The following AUTS2 variants were observed in gnomAD, a reference collection of about 807,000 sequenced individuals.
AUTS2 encodes activator of transcription and developmental regulator AUTS2, also known as autism susceptibility gene 2 protein.
In AUTS2, 17 loss-of-function variants were observed where a neutral mutation model predicts 112.4. The ratio of observed to expected loss-of-function variants is 0.15; its 90% CI spans 0.10 to 0.23. The LOEUF (loss-of-function observed/expected upper bound fraction) is 0.23, where lower values mean the gene tolerates loss of function less well. Ranked by LOEUF, AUTS2 falls within the 10% of genes least tolerant of loss-of-function variation. The pLI is 1.00. For synonymous variants in AUTS2, 751 were observed against 702.7 expected (o/e 1.07, Z -1.09); for missense variants, 1,510 against 1,701.6 (o/e 0.89, Z 1.98).
chr7:70,605,172 T>C (rs1585364883), intron 5 of AUTS2, among the ~76,000 whole-genome samples: 1 of 152,242 alleles, frequency 6.6e-6, no homozygotes, highest in African/African-American at 2.4e-5. Context: ...GCTAAACTTA[T>C]ACACACTGAC....
Position 70,382,839 on chromosome 7 carries a change from C to T in AUTS2, c.661-52913C>T, listed in dbSNP as rs560111441. On this transcript the variant is annotated intron_variant, in intron 4 of 18. Transcript: ENST00000342771. ...CTCTTCCTTTTTTATTAAAACAACA[C>T]GATGGATTTTCATAAAATGACACAT... Among the ~76,000 whole-genome samples the T allele has an allele frequency of 5.9e-5, 9 of 152,046 alleles. No individual in the cohort carries two copies. The South Asian group carries it at 8.4e-4, about 14-fold the overall frequency.
chr7:69,811,477 G>A (rs953553974), intron 1 of AUTS2, among the ~76,000 whole-genome samples: 32 of 151,774 alleles, frequency 2.1e-4, no homozygotes, highest in Admixed American at 7.9e-4. Context: ...GAGCCTCTAC[G>A]GACTAGATCC....
At chr7:69,847,107 G>C (rs745652740) in intron 1 of AUTS2, among the ~76,000 whole-genome samples, 11 of 152,096 alleles carry the variant, frequency 7.2e-5, no homozygotes, top group Non-Finnish European at 1.0e-4. Flanking sequence ...CTACCCCCCA[G>C]TACATGCATA....
At chr7:69,820,717 G>A (rs938877880) in intron 1 of AUTS2, among the ~76,000 whole-genome samples, 11 of 152,174 alleles carry the variant, frequency 7.2e-5, no homozygotes, top group African/African-American at 2.4e-4. Context: ...ATTGAGCCAG[G>A]TTTTGAGGAC....
intron 1 of AUTS2, among the ~76,000 whole-genome samples, chr7:69,613,823 T>C (rs1272150099): frequency 6.6e-6 from 1 of 152,232 alleles, no homozygotes; most frequent in Non-Finnish European, 1.5e-5. Flanking sequence ...CTCTATTCTT[T>C]CTGGTAAAAG....
intron 1 of AUTS2, among the ~76,000 whole-genome samples, chr7:69,735,382 C>T (rs1467275822): frequency 1.3e-5 from 2 of 152,140 alleles, no homozygotes; most frequent in Non-Finnish European, 2.9e-5. Context: ...GGTGGCCCTG[C>T]AGAGCAGACC....
intron 1 of AUTS2, among the ~76,000 whole-genome samples, chr7:69,858,746 G>T (rs995821728): frequency 6.6e-6 from 1 of 152,132 alleles, no homozygotes; most frequent in African/African-American, 2.4e-5. Context: ...AACAACTGGG[G>T]GTCAGCCCTG....
chr7:70,557,611 C>T (rs1260589788), intron 5 of AUTS2, among the ~76,000 whole-genome samples: 2 of 152,300 alleles, frequency 1.3e-5, no homozygotes, highest in East Asian at 3.9e-4. Flanking sequence ...AGCCCCAGAG[C>T]CCATTACCAT....
chr7:69,639,788 G>T (rs1794720157), intron 1 of AUTS2, among the ~76,000 whole-genome samples: 1 of 152,186 alleles, frequency 6.6e-6, no homozygotes, highest in African/African-American at 2.4e-5. Flanking sequence ...TCTGATGATA[G>T]GACTCTTTTA....
chr7:70,455,851 G>T (rs1796718233), intron 5 of AUTS2, among the ~76,000 whole-genome samples: 1 of 152,102 alleles, frequency 6.6e-6, no homozygotes, highest in South Asian at 2.1e-4. Flanking sequence ...AGCAACCCTG[G>T]GACTACTGAT....
chr7:70,569,430 C>T (rs983629590), intron 5 of AUTS2, among the ~76,000 whole-genome samples: 1 of 152,182 alleles, frequency 6.6e-6, no homozygotes, highest in Non-Finnish European at 1.5e-5. Context: ...CTGATCTGGC[C>T]GCACTTGTAT....
At chr7:70,390,511 T>C (rs1195691613) in intron 4 of AUTS2, among the ~76,000 whole-genome samples, 2 of 152,090 alleles carry the variant, frequency 1.3e-5, no homozygotes, top group African/African-American at 2.4e-5. Flanking sequence ...CTATGTGAAC[T>C]AGTGTTACTT....
intron 2 of AUTS2, among the ~76,000 whole-genome samples, chr7:70,091,083 G>T (rs1013924064): frequency 5.3e-5 from 8 of 152,168 alleles, no homozygotes; most frequent in African/African-American, 1.9e-4. Context: ...CATGTTAGTT[G>T]TGCATAGAAC....
chr7:69,781,016 C>T (rs1789123693), intron 1 of AUTS2, among the ~76,000 whole-genome samples: 2 of 152,164 alleles, frequency 1.3e-5, no homozygotes, highest in African/African-American at 4.8e-5. Flanking sequence ...CTCCTATTCC[C>T]CAAATTATTG....
chr7:70,342,095 C>A (rs951753866), intron 4 of AUTS2, among the ~76,000 whole-genome samples: 14 of 152,162 alleles, frequency 9.2e-5, no homozygotes, highest in Non-Finnish European at 1.9e-4. Context: ...ATTCCCCCAT[C>A]AGTTTTTGCT....
Position 70,367,101 on chromosome 7 carries a change from A to G in AUTS2, c.661-68651A>G, listed in dbSNP as rs906405467. Reference sequence around the variant, plus strand: ...GGAGTTTTAGACCAGCCTCACCAACATTTGCGAAACCCCGTCTCTACTAAA... The same window carrying G: ...GGAGTTTTAGACCAGCCTCACCAACGTTTGCGAAACCCCGTCTCTACTAAA... On this transcript the variant is annotated intron_variant, in intron 4 of 18. Transcript: ENST00000342771. Among the ~76,000 whole-genome samples the G allele has an allele frequency of 2.6e-5, 4 of 152,224 alleles. No homozygotes were observed. In the South Asian group the frequency reaches 8.3e-4, roughly 32 times the overall value.
At chr7:70,331,905 A>C (rs973779876) in intron 4 of AUTS2, among the ~76,000 whole-genome samples, 5 of 152,206 alleles carry the variant, frequency 3.3e-5, no homozygotes, top group Admixed American at 3.3e-4. Context: ...AACTGGCACA[A>C]GATAAGGATG....
intron 6 of AUTS2, among the ~76,000 whole-genome samples, chr7:70,699,825 G>A (rs941970864): frequency 3.3e-5 from 5 of 152,128 alleles, no homozygotes; most frequent in East Asian, 1.9e-4. Flanking sequence ...TACAGTACTC[G>A]TGTGTAAAAA....
At chr7:70,075,228 A>T (rs1034440357) in intron 2 of AUTS2, among the ~76,000 whole-genome samples, 2 of 152,214 alleles carry the variant, frequency 1.3e-5, no homozygotes, top group Admixed American at 6.5e-5. Flanking sequence ...ACTGTTGACT[A>T]CTTGTCTCCC....
Sources: gnomAD v4.1 joint callset for allele counts (sites outside exome capture counted in the v4.1 genomes callset) on GRCh38, gnomAD v4.1.1 for gene constraint, MANE v1.5 for transcripts, NCBI Gene and HGNC (gene_info 2026-07-23, HGNC 2026-07-21) for gene names.